The following CLIP2 variants were observed in gnomAD, a reference collection of about 807,000 sequenced individuals.
CLIP2 encodes the protein CAP-Gly domain-containing linker protein 2.
Under a neutral mutation model 111.7 loss-of-function variants are expected in CLIP2, and 41 were observed. The observed-to-expected ratio is 0.37, with a 90% CI of 0.29 to 0.48. The LOEUF (loss-of-function observed/expected upper bound fraction) is 0.48, where lower values mean the gene tolerates loss of function less well. Ranked by LOEUF, CLIP2 falls within the 20% of genes least tolerant of loss-of-function variation. CLIP2 has a pLI of 0.99. For synonymous variants in CLIP2, 660 were observed against 644.2 expected (o/e 1.02, Z -0.37); for missense variants, 1,160 against 1,422.1 (o/e 0.82, Z 2.96).
rs1371208801 is a variant in CLIP2, at chr7:74,317,779, G to A, written c.121+112G>A. ...CTCTGTGACCAATCTGATGGGGGAC[G>A]CTGAGTGTCATGAGCTCCTGTAATG... is the stretch of plus-strand genomic sequence containing the variant. On this transcript the variant is annotated intron_variant, in intron 2 of 16. Transcript: ENST00000223398. 7.2e-6 allele frequency: 9 copies of A among 1,249,690 alleles called. No individual in the cohort carries two copies. The South Asian group carries it at 1.1e-4, about 15-fold the overall frequency. The allele number at this position is 1,249,690 out of a possible 1,614,324, so 77.4% of individuals were successfully genotyped here.
At chr7:74,309,878 T>A (rs1374214401) in intron 1 of CLIP2, among the ~76,000 whole-genome samples, 2 of 150,062 alleles carry the variant, frequency 1.3e-5, no homozygotes, top group Non-Finnish European at 3.0e-5. Context: ...TAGTTCTTTA[T>A]TGCTAAGAAG....
intron 1 of CLIP2, among the ~76,000 whole-genome samples, chr7:74,304,585 T>A (rs1361752211): frequency 1.3e-5 from 2 of 148,614 alleles, no homozygotes; most frequent in Non-Finnish European, 3.0e-5. Context: ...AAGAAATCTG[T>A]TAGATATTCA....
rs146488093 is a variant in CLIP2, at chr7:74,376,639, G to A, written c.2238G>A (p.Ala746=). The part of the protein sequence containing the change: ...EKLDVEYRGQ[A]QAIEFLKEQI... ...TGGACGTGGAGTACCGGGGCCAGGCGCAGGCTATCGAGTTCCTCAAGGAGC... is the reference window on the plus strand; with the variant it reads ...TGGACGTGGAGTACCGGGGCCAGGCACAGGCTATCGAGTTCCTCAAGGAGC... Residue 746 remains alanine (A), a synonymous_variant, in exon 10 of 17, where the codon GCG becomes GCA. Transcript: ENST00000223398. This position sits in a 1 kb window ranked among gnomAD's most constrained non-coding sequence, Gnocchi z 7.1. The A allele has an allele frequency of 2.8e-4, 452 of 1,613,468 alleles. 1 individual carries two copies. Among genetic ancestry groups the A allele is most frequent in the Middle Eastern group, 1.7e-3 (10 of 6,060 alleles).
intron 8 of CLIP2, among the ~76,000 whole-genome samples, chr7:74,368,126 T>G (rs2116634623): frequency 6.6e-6 from 1 of 151,948 alleles, no homozygotes; most frequent in South Asian, 2.1e-4. Context: ...GGTGGGAGGA[T>G]CGCTTGAGTC....
chr7:74,301,231 T>C (rs1402142102), intron 1 of CLIP2, among the ~76,000 whole-genome samples: 2 of 152,216 alleles, frequency 1.3e-5, no homozygotes, highest in African/African-American at 4.8e-5. Flanking sequence ...ATGTCTTCTT[T>C]TGTGTGCACT....
At chr7:74,291,923 C>CTT (rs782577666) in intron 1 of CLIP2, among the ~76,000 whole-genome samples, 27,367 of 132,626 alleles carry the variant, frequency 0.21, 3,814 homozygotes, top group African/African-American at 0.38. Flanking sequence ...ATCCTGCCCT[C>CTT]TTTTTTTTTT....
At chr7:74,369,545 AAAAT>A (rs1790547724) in intron 8 of CLIP2, among the ~76,000 whole-genome samples, 2 of 151,576 alleles carry the variant, frequency 1.3e-5, no homozygotes, top group South Asian at 2.1e-4. Context: ...CCCATCTCTA[AAAAT>A]AAATAAATAA....
chr7:74,348,529 C>T (rs1789868770), intron 3 of CLIP2, among the ~76,000 whole-genome samples: 1 of 151,976 alleles, frequency 6.6e-6, no homozygotes, highest in Admixed American at 6.6e-5. Context: ...GTGGCTCACG[C>T]CTGTAATCCC....
At position 74,317,540 on chromosome 7, in the gene CLIP2, C is replaced by T. The variant is rs1788817142; in HGVS notation, c.-7C>T. On this transcript the variant is annotated 5_prime_UTR_variant, in exon 2 of 17. Coordinates refer to ENST00000223398, the MANE Select transcript of CLIP2 (RefSeq NM_003388.5). ...TCACCCTTGTCCACCTGCCCAGTGG[C>T]ACCGCCATGCAGAAGCCCAGCGGCC... 1 of 1,421,418 alleles carries T rather than the reference C, an allele frequency of 7.0e-7. No homozygotes were observed. The highest frequency in any genetic ancestry group is 9.3e-7 in the Non-Finnish European group (1 of 1,078,950). 88.1% of individuals were successfully genotyped at this position (1,421,418 alleles called of 1,614,324 possible). A position where few individuals can be genotyped will look rare whatever the true frequency, so the allele number is the denominator to read the frequency against.
chr7:74,328,180 C>T (rs931190808), intron 2 of CLIP2, among the ~76,000 whole-genome samples: 2 of 152,004 alleles, frequency 1.3e-5, no homozygotes, highest in Non-Finnish European at 2.9e-5. Context: ...CTGGAGCAGG[C>T]ATGGACTGAG....
intron 12 of CLIP2, among the ~76,000 whole-genome samples, chr7:74,387,389 C>T (rs936050515): frequency 3.9e-5 from 6 of 152,178 alleles, no homozygotes; most frequent in Admixed American, 2.6e-4. Context: ...GCTGGGATTA[C>T]AGGCGCACAC....
At chr7:74,403,729 C>T (rs1038411736) in intron 16 of CLIP2, 108 bp from the exon 17 acceptor site, 10 of 1,131,446 alleles carry the variant, frequency 8.8e-6, no homozygotes, top group Admixed American at 3.4e-5. Context: ...TCGCTCTATG[C>T]TCCTCCCCCA....
chr7:74,372,840 CTT>C (rs1790667690), intron 8 of CLIP2, 90 bp from the exon 9 acceptor site: 4 of 671,944 alleles, frequency 6.0e-6, no homozygotes, highest in Admixed American at 2.4e-5. Context: ...CTCTCTCTCT[CTT>C]TCTCTCTCTC....
In CLIP2 at chr7:74,338,591, G is replaced by A. The variant is rs1358941673; in HGVS notation, c.265G>A (p.Gly89Ser). ...FVVGERVWVN[G>S]VKPGVVQYLG... ...GGTGGGCGAGCGGGTGTGGGTGAACGGCGTGAAGCCAGGCGTGGTGCAGTA... is the reference window on the plus strand; with the variant it reads ...GGTGGGCGAGCGGGTGTGGGTGAACAGCGTGAAGCCAGGCGTGGTGCAGTA... The change falls in exon 3 of 17, where the codon GGC (glycine) becomes AGC (serine). Residue 89 changes from glycine (G) to serine (S), a missense_variant. Transcript: ENST00000223398. This position sits in a 1 kb window ranked among gnomAD's most constrained non-coding sequence, Gnocchi z 4.3. The A allele has an allele frequency of 1.3e-6, 2 of 1,571,894 alleles. No individual in the cohort carries two copies. The highest frequency in any genetic ancestry group is 1.7e-6 in the Non-Finnish European group (2 of 1,160,146).
chr7:74,314,173 C>T (rs1788711058), intron 1 of CLIP2, among the ~76,000 whole-genome samples: 1 of 99,630 alleles, frequency 1.0e-5, no homozygotes, highest in Non-Finnish European at 2.2e-5. Context: ...CAAAGTGACT[C>T]TGTCTCAAAA....
intron 9 of CLIP2, 138 bp downstream of exon 9, chr7:74,373,174 C>A: frequency 1.6e-6 from 1 of 615,486 alleles, no homozygotes; most frequent in Non-Finnish European, 2.8e-6. Context: ...TTTTTGCATC[C>A]CCTTGGAGGA....
At chr7:74,298,363 T>G (rs1476261167) in intron 1 of CLIP2, among the ~76,000 whole-genome samples, 16 of 149,632 alleles carry the variant, frequency 1.1e-4, no homozygotes, top group African/African-American at 3.7e-4. Flanking sequence ...TTGGTTTTTT[T>G]TTTTTTTTTT....
At chr7:74,373,258 G>T (rs1554312270) in intron 9 of CLIP2, among the ~76,000 whole-genome samples, 1 of 152,176 alleles carries the variant, frequency 6.6e-6, no homozygotes, top group Non-Finnish European at 1.5e-5. Context: ...AGCACTTTGG[G>T]AGGCTAAGGA....
At chr7:74,334,197 A>T (rs1789381902) in intron 2 of CLIP2, among the ~76,000 whole-genome samples, 1 of 152,218 alleles carries the variant, frequency 6.6e-6, no homozygotes, top group African/African-American at 2.4e-5. Context: ...TCTCAACTGC[A>T]GGAAGCTGAA....
Sources: allele counts gnomAD v4.1 joint callset (sites outside exome capture counted in the v4.1 genomes callset), GRCh38; gene constraint gnomAD v4.1.1; non-coding constraint Gnocchi (gnomAD v3.1); transcripts MANE v1.5; gene names NCBI Gene and HGNC (gene_info 2026-07-23, HGNC 2026-07-21).